Variants in COL25A1 observed in about 807,000 individuals in gnomAD.
COL25A1 encodes the protein collagen type XXV alpha 1 chain.
In COL25A1, 103 loss-of-function variants were observed where a neutral mutation model predicts 128.4. That is an observed-to-expected ratio of 0.80 (90% CI 0.68 to 0.94). The LOEUF is 0.94. COL25A1 is among the 40% of genes least tolerant of loss of function. COL25A1 has a pLI of 0.00. For synonymous variants in COL25A1, 279 were observed against 277.2 expected (o/e 1.01, Z -0.06); for missense variants, 745 against 840.0 (o/e 0.89, Z 1.40).
intron 31 of COL25A1, among the ~76,000 whole-genome samples, chr4:108,835,256 G>A (rs890439699): frequency 2.6e-5 from 4 of 152,070 alleles, no homozygotes; most frequent in Non-Finnish European, 5.9e-5. Context: ...TCTTTAATAT[G>A]GTTTTTGTGT....
At chr4:109,191,979 A>G (rs1460859890) in intron 3 of COL25A1, among the ~76,000 whole-genome samples, 2 of 152,232 alleles carry the variant, frequency 1.3e-5, no homozygotes, top group East Asian at 3.8e-4. Context: ...TAGTGGTCAA[A>G]GGGAAATTAA....
intron 30 of COL25A1, 84 bp downstream of exon 30, chr4:108,844,435 G>C: frequency 6.2e-7 from 1 of 1,610,432 alleles, no homozygotes; most frequent in Non-Finnish European, 8.5e-7. Context: ...ATACAAGCTG[G>C]CTGTTTAGAG....
intron 3 of COL25A1, among the ~76,000 whole-genome samples, chr4:109,194,824 ACTTCAGATT>A (rs1775897291): frequency 6.6e-6 from 1 of 152,118 alleles, no homozygotes; most frequent in African/African-American, 2.4e-5. Flanking sequence ...CTGCTCCTTG[ACTTCAGATT>A]GATCCATGTG....
chr4:108,939,867 CATT>C (rs987175298), intron 10 of COL25A1, among the ~76,000 whole-genome samples: 1 of 152,144 alleles, frequency 6.6e-6, no homozygotes, highest in Non-Finnish European at 1.5e-5. Context: ...ACTACTATAT[CATT>C]GACACTTGAC....
chr4:109,032,263 T>C (rs1224206273), intron 5 of COL25A1, among the ~76,000 whole-genome samples: 2 of 152,168 alleles, frequency 1.3e-5, no homozygotes, highest in Non-Finnish European at 2.9e-5. Context: ...CACCACATAG[T>C]CCTTCCACAG....
chr4:109,129,842 G>A (rs770284580), intron 3 of COL25A1, among the ~76,000 whole-genome samples: 3 of 151,996 alleles, frequency 2.0e-5, no homozygotes, highest in Non-Finnish European at 4.4e-5. Context: ...TCTCTAAGTT[G>A]TCTCTCTCTC....
intron 5 of COL25A1, among the ~76,000 whole-genome samples, chr4:109,026,206 G>T (rs1000385026): frequency 8.6e-5 from 13 of 151,750 alleles, no homozygotes; most frequent in African/African-American, 1.7e-4. Flanking sequence ...CTGACTAGGG[G>T]TAATGTAATG....
intron 6 of COL25A1, among the ~76,000 whole-genome samples, chr4:108,997,410 C>T (rs561691782): frequency 6.6e-6 from 1 of 152,010 alleles, no homozygotes; most frequent in East Asian, 1.9e-4. Flanking sequence ...TACAACCTCC[C>T]AAAACTAAAC....
At chr4:109,147,922 G>C (rs1771110792) in intron 3 of COL25A1, among the ~76,000 whole-genome samples, 1 of 152,088 alleles carries the variant, frequency 6.6e-6, no homozygotes, top group Non-Finnish European at 1.5e-5. Flanking sequence ...CAGGTTGAGA[G>C]AATAAATTGT....
intron 3 of COL25A1, among the ~76,000 whole-genome samples, chr4:109,197,477 TA>T (rs1429372380): frequency 8.4e-6 from 1 of 118,410 alleles, no homozygotes; most frequent in Admixed American, 1.1e-4. Context: ...ATATAATATA[TA>T]TTATATATTA....
chr4:109,174,396 C>T (rs964404738), intron 3 of COL25A1, among the ~76,000 whole-genome samples: 5 of 152,186 alleles, frequency 3.3e-5, no homozygotes, highest in African/African-American at 1.2e-4. Flanking sequence ...CCAGACACAG[C>T]TCCTGCTTAT....
intron 3 of COL25A1, among the ~76,000 whole-genome samples, chr4:109,159,497 C>G (rs955582991): frequency 6.6e-5 from 10 of 152,176 alleles, no homozygotes; most frequent in African/African-American, 2.4e-4. Context: ...CCCTGTCCCA[C>G]CATCCTTTGC....
chr4:108,868,947 A>C, intron 20 of COL25A1, 141 bp downstream of exon 20: 1 of 564,678 alleles, frequency 1.8e-6, no homozygotes, highest in Non-Finnish European at 3.1e-6. Flanking sequence ...AAAGAAAGAA[A>C]AGAAAGAAAG....
chr4:108,828,899 A>G (rs1230661485), intron 32 of COL25A1, among the ~76,000 whole-genome samples: 1 of 152,200 alleles, frequency 6.6e-6, no homozygotes, highest in African/African-American at 2.4e-5. Flanking sequence ...CGTGTGAGCA[A>G]ATTTCAGGTC....
intron 30 of COL25A1, among the ~76,000 whole-genome samples, chr4:108,841,994 T>C (rs993972214): frequency 6.6e-6 from 1 of 152,082 alleles, no homozygotes; most frequent in Non-Finnish European, 1.5e-5. Context: ...AAGAAAGAAG[T>C]AGGAAAAAGA....
intron 3 of COL25A1, among the ~76,000 whole-genome samples, chr4:109,194,774 G>A (rs2126168805): frequency 6.6e-6 from 1 of 152,178 alleles, no homozygotes; most frequent in African/African-American, 2.4e-5. Flanking sequence ...TATACCATGT[G>A]ACTGTGCAAT....
chr4:109,148,910 T>C (rs1424318717), intron 3 of COL25A1, among the ~76,000 whole-genome samples: 1 of 152,128 alleles, frequency 6.6e-6, no homozygotes, highest in Non-Finnish European at 1.5e-5. Flanking sequence ...TCCTACCCAC[T>C]TCCCTTCTCT....
intron 10 of COL25A1, 37 bp downstream of exon 10, chr4:108,940,502 A>T (rs1285147396): frequency 6.4e-7 from 1 of 1,557,602 alleles, no homozygotes; most frequent in Admixed American, 1.7e-5. Context: ...ACATGAAGCA[A>T]AACGTGTGAG....
At chr4:109,014,889 C>T (rs941893738) in intron 5 of COL25A1, among the ~76,000 whole-genome samples, 1 of 152,204 alleles carries the variant, frequency 6.6e-6, no homozygotes, top group Non-Finnish European at 1.5e-5. Flanking sequence ...ACAGTCCTTA[C>T]CACTCTTCTA....
Sources: allele counts gnomAD v4.1 joint callset (sites outside exome capture counted in the v4.1 genomes callset), GRCh38; gene constraint gnomAD v4.1.1; transcripts MANE v1.5; gene names NCBI Gene and HGNC (gene_info 2026-07-23, HGNC 2026-07-21).